The following DOCK1 variants were observed in gnomAD, a reference collection of about 807,000 sequenced individuals.
The protein encoded by DOCK1 is dedicator of cytokinesis 1.
DOCK1 carries 138 observed loss-of-function variants against 262.7 expected under a neutral mutation model. That is an observed-to-expected ratio of 0.53 (90% CI 0.46 to 0.61). DOCK1 has a LOEUF of 0.61. DOCK1 is among the 20% of genes least tolerant of loss of function. The probability of loss-of-function intolerance (pLI) is 0.00; values close to 1 mark genes in which losing one functional copy is unlikely to be tolerated. For synonymous variants in DOCK1, 866 were observed against 867.4 expected, an observed-to-expected ratio of 1.00 and a Z score of 0.03; for missense variants, 1,908 against 2,370.7, an observed-to-expected ratio of 0.80 and a Z score of 4.05.
intron 29 of DOCK1, among the ~76,000 whole-genome samples, chr10:127,266,506 CATAT>C (rs988830461): frequency 7.4e-6 from 1 of 135,580 alleles, no homozygotes; most frequent in African/African-American, 2.5e-5. Context: ...CACACACACA[CATAT>C]ATATAGACTG....
intron 29 of DOCK1, among the ~76,000 whole-genome samples, chr10:127,264,648 G>A (rs1426226902): frequency 2.6e-5 from 4 of 152,088 alleles, no homozygotes; most frequent in African/African-American, 7.2e-5. Flanking sequence ...CGGGAAGCTG[G>A]CAGTTTACAA....
intron 23 of DOCK1, among the ~76,000 whole-genome samples, chr10:127,093,380 G>A (rs1295503092): frequency 6.6e-6 from 1 of 150,546 alleles, no homozygotes; most frequent in East Asian, 2.0e-4. Context: ...CGAGTAGCTG[G>A]GACCACAGGC....
chr10:127,380,062 A>G lies in DOCK1; in HGVS notation c.3676-20A>G, dbSNP rs1304232206. The G allele has an allele frequency of 5.5e-6, 8 of 1,463,528 alleles. No homozygotes were observed. The Admixed American group carries it at 1.0e-4, about 18-fold the overall frequency. The allele number at this position is 1,463,528 out of a possible 1,614,324, so 90.7% of individuals were successfully genotyped here. A position where few individuals can be genotyped will look rare whatever the true frequency, so the allele number is the denominator to read the frequency against. Reference sequence around the variant, plus strand: ...TGTGGAACAGATTTCTTAAAACAGTATTATGGTTTAACTTTTCAGAATTTC... The same window carrying G: ...TGTGGAACAGATTTCTTAAAACAGTGTTATGGTTTAACTTTTCAGAATTTC... On this transcript the variant is annotated intron_variant, in intron 35 of 51. Transcript: ENST00000623213.
chr10:126,996,372 C>T (rs1398696004), intron 6 of DOCK1, among the ~76,000 whole-genome samples: 1 of 87,608 alleles, frequency 1.1e-5, no homozygotes, highest in South Asian at 4.7e-4. Context: ...AAGAACGAGA[C>T]TGTCTCAAAA....
rs2070592762 is a variant in DOCK1 at position 127,446,835 on chromosome 10, T to C, written c.5414-559T>C. Among the ~76,000 whole-genome samples the C allele has an allele frequency of 6.6e-6, 1 of 152,246 alleles. No individual in the cohort carries two copies. On this transcript the variant is annotated intron_variant, in intron 50 of 51. Coordinates refer to ENST00000623213, the MANE Select transcript of DOCK1 (RefSeq NM_001290223.2). This position sits in a 1 kb window ranked among gnomAD's most constrained non-coding sequence, Gnocchi z 4.4. ...ATCAATTGTACTTCCCCTTGGCTTA[T>C]TTAAAGCAACAGCCACAGTGACTGC...
intron 27 of DOCK1, among the ~76,000 whole-genome samples, chr10:127,153,246 T>G (rs368960837): frequency 3.9e-5 from 6 of 152,240 alleles, no homozygotes; most frequent in African/African-American, 1.4e-4. Context: ...CTTAAAATCC[T>G]AAATTACTGA....
At chr10:127,123,708 T>C (rs2049759577) in intron 25 of DOCK1, among the ~76,000 whole-genome samples, 1 of 152,176 alleles carries the variant, frequency 6.6e-6, no homozygotes, top group Non-Finnish European at 1.5e-5. Flanking sequence ...TGTTCATTTC[T>C]CTTAGACTGG....
At chr10:127,418,930 C>T (rs569184233) in intron 45 of DOCK1, among the ~76,000 whole-genome samples, 5 of 152,348 alleles carry the variant, frequency 3.3e-5, no homozygotes, top group Admixed American at 6.5e-5. Context: ...GCCCGGCCAG[C>T]TGGTCTCCCT....
intron 40 of DOCK1, among the ~76,000 whole-genome samples, chr10:127,406,457 G>T (rs1489864026): frequency 6.6e-6 from 1 of 152,194 alleles, no homozygotes; most frequent in African/African-American, 2.4e-5. Flanking sequence ...GCCACACCTG[G>T]ATCATTCTGT....
At chr10:127,268,479 G>A (rs143470111) in intron 29 of DOCK1, among the ~76,000 whole-genome samples, 3,812 of 129,024 alleles carry the variant, frequency 0.03, 181 homozygotes, top group African/African-American at 0.11. Flanking sequence ...CATCCAGCCT[G>A]GGTGACAGAC....
intron 25 of DOCK1, among the ~76,000 whole-genome samples, chr10:127,119,816 C>T (rs1232369300): frequency 6.6e-6 from 1 of 152,166 alleles, no homozygotes; most frequent in Non-Finnish European, 1.5e-5. Flanking sequence ...CTTGTATTTG[C>T]ATCTTGCTTT....
chr10:126,982,085 C>A, intron 4 of DOCK1, 112 bp downstream of exon 4: 1 of 1,155,940 alleles, frequency 8.7e-7, no homozygotes, highest in Non-Finnish European at 1.3e-6. Context: ...GTGTGATTGA[C>A]TCCTGGGGGA....
In DOCK1 at chr10:127,354,802, A is replaced by G. The variant is rs1485668473; in HGVS notation, c.3283+75A>G. On this transcript the variant is annotated intron_variant, in intron 32 of 51. Transcript: ENST00000623213. ...GGTCATGGCACTGGCCGTGTTCATC[A>G]GTGTTGGGATGTCTTAAGATCTTAA... 6 of 1,571,316 alleles carry G rather than the reference A, an allele frequency of 3.8e-6. No individual in the cohort carries two copies. The African/African-American group carries it at 5.4e-5, about 14-fold the overall frequency.
At chr10:127,125,763 T>C (rs552535219) in intron 26 of DOCK1, among the ~76,000 whole-genome samples, 162 bp downstream of exon 26, 1 of 152,334 alleles carries the variant, frequency 6.6e-6, no homozygotes, top group East Asian at 1.9e-4. Context: ...TTTATTTATG[T>C]ATATATGGTG....
intron 1 of DOCK1, among the ~76,000 whole-genome samples, chr10:126,948,912 G>T (rs1459948078): frequency 1.3e-5 from 2 of 152,132 alleles, no homozygotes; most frequent in South Asian, 2.1e-4. Context: ...TGAGAAGGCA[G>T]GTCTGGAGCT....
chr10:127,083,349 C>G (rs183574982), intron 23 of DOCK1, among the ~76,000 whole-genome samples: 1 of 152,206 alleles, frequency 6.6e-6, no homozygotes, highest in Non-Finnish European at 1.5e-5. Flanking sequence ...GACGAGCAGT[C>G]CTGGCTCCTT....
intron 39 of DOCK1, among the ~76,000 whole-genome samples, 184 bp from the exon 40 acceptor site, chr10:127,404,141 C>T (rs532976985): frequency 6.6e-6 from 1 of 152,066 alleles, no homozygotes; most frequent in Non-Finnish European, 1.5e-5. Flanking sequence ...AATGTCAAAA[C>T]GATGGAGTGA....
chr10:127,131,686 G>A (rs544017022), intron 27 of DOCK1, among the ~76,000 whole-genome samples: 2 of 150,942 alleles, frequency 1.3e-5, no homozygotes, highest in East Asian at 3.9e-4. Context: ...GTTGCTCTGT[G>A]AATTTAGATT....
At chr10:127,115,098 G>C (rs763987022) in intron 25 of DOCK1, among the ~76,000 whole-genome samples, 3 of 152,064 alleles carry the variant, frequency 2.0e-5, no homozygotes, top group Non-Finnish European at 2.9e-5. Flanking sequence ...CAGATATTTT[G>C]AGGCAAATCT....
Sources: allele counts gnomAD v4.1 joint callset (sites outside exome capture counted in the v4.1 genomes callset), GRCh38; gene constraint gnomAD v4.1.1; non-coding constraint Gnocchi (gnomAD v3.1); transcripts MANE v1.5; gene names NCBI Gene and HGNC (gene_info 2026-07-23, HGNC 2026-07-21).